Variants in CMTM4 observed in about 807,000 individuals in gnomAD.
CMTM4 encodes the protein CKLF-like MARVEL transmembrane domain-containing protein 4.
A neutral mutation model predicts 19.0 loss-of-function variants in CMTM4; 8 were observed. The ratio of observed to expected loss-of-function variants is 0.42; its 90% CI spans 0.25 to 0.76. CMTM4 has a LOEUF of 0.76. Ranked by LOEUF, CMTM4 falls within the 30% of genes least tolerant of loss-of-function variation. The pLI, the probability that CMTM4 is intolerant of heterozygous loss-of-function variation, is 0.27. For missense variants in CMTM4, 228 were observed against 290.2 expected (o/e 0.79, Z 1.56); for synonymous variants, 106 against 121.1 (o/e 0.88, Z 0.82).
intron 1 of CMTM4, among the ~76,000 whole-genome samples, chr16:66,668,828 A>G (rs1596949252): frequency 1.3e-5 from 2 of 152,306 alleles, no homozygotes; most frequent in Middle Eastern, 6.8e-3. Flanking sequence ...AGCTTTAAAA[A>G]AAAGGACTAT....
intron 1 of CMTM4, among the ~76,000 whole-genome samples, chr16:66,641,862 T>C (rs1389686365): frequency 6.6e-6 from 1 of 152,246 alleles, no homozygotes; most frequent in Non-Finnish European, 1.5e-5. Flanking sequence ...TTATATATCT[T>C]ATTTTCCAGC....
At chr16:66,604,248 C>G in the CMTM4 span, 1 of 151,472 alleles carries the variant, frequency 6.6e-6, no homozygotes, top group East Asian at 2.0e-4. Context: ...GAACAGCCAA[C>G]AAAGAGGCCC....
chr16:66,627,955 GGAT>G (rs2015776602), intron 2 of CMTM4, among the ~76,000 whole-genome samples: 1 of 152,156 alleles, frequency 6.6e-6, no homozygotes, highest in South Asian at 2.1e-4. Flanking sequence ...TAGGAGAACA[GGAT>G]GATAATAGGG....
chr16:66,648,668 A>G (rs2016252132), intron 1 of CMTM4, among the ~76,000 whole-genome samples: 1 of 151,496 alleles, frequency 6.6e-6, no homozygotes, highest in Admixed American at 6.6e-5. Flanking sequence ...CAAAAAAAAA[A>G]AGAAATAAAT....
chr16:66,613,456 C>T, downstream of CMTM4: 1 of 311,326 alleles, frequency 3.2e-6, no homozygotes. Context: ...ACCCTCAGGA[C>T]AGTGAACTTC....
chr16:66,621,533 C>T lies in CMTM4; in HGVS notation c.*525G>A, dbSNP rs1440358053. 2 of 987,542 alleles carry T rather than the reference C, an allele frequency of 2.0e-6. No homozygotes were observed. The highest frequency in any genetic ancestry group is 2.4e-6 in the Non-Finnish European group (2 of 831,004). The allele number at this position is 987,542 out of a possible 1,614,324, so 61.2% of individuals were successfully genotyped here. On this transcript the variant is annotated 3_prime_UTR_variant, in exon 4 of 4. Coordinates refer to ENST00000394106, the MANE Select transcript of CMTM4 (RefSeq NM_181521.3). ...CATCCTAACAGGACATCAGCTTTCC[C>T]CAGCCCTGTGGCCTTTGGGCTGGTG...
rs772342457 is a variant in CMTM4, at chr16:66,620,187, T to C, written c.*1871A>G. ...GTCCTTCCAAGTGGGCCCCATTTAA[T>C]GCAAGGCTGAGCCTTTGTGGCCCTA... On this transcript the variant is annotated 3_prime_UTR_variant, in exon 4 of 4. Transcript: ENST00000394106. The C allele has an allele frequency of 5.3e-5, 52 of 985,474 alleles. No homozygotes were observed. The South Asian group carries it at 7.0e-4, about 13-fold the overall frequency. The allele number at this position is 985,474 out of a possible 1,614,324, so 61.0% of individuals were successfully genotyped here.
At chr16:66,683,104 T>A (rs1392360350) in intron 1 of CMTM4, among the ~76,000 whole-genome samples, 1 of 142,942 alleles carries the variant, frequency 7.0e-6, no homozygotes, top group Non-Finnish European at 1.5e-5. Flanking sequence ...TCAAATAGAG[T>A]CTAGTTGTGT....
At chr16:66,653,796 C>T (rs1296008052) in intron 1 of CMTM4, among the ~76,000 whole-genome samples, 5 of 152,154 alleles carry the variant, frequency 3.3e-5, no homozygotes, top group East Asian at 3.9e-4. Context: ...GTGTAGTGAG[C>T]AATCTCGGCT....
At chr16:66,667,967 GTTTT>G (rs1228825396) in intron 1 of CMTM4, among the ~76,000 whole-genome samples, 7 of 149,074 alleles carry the variant, frequency 4.7e-5, no homozygotes, top group African/African-American at 1.5e-4. Flanking sequence ...ACTTTTCCCT[GTTTT>G]TTTGTTTTTT....
chr16:66,696,311 G>T lies in CMTM4; in HGVS notation c.186+29C>A. On this transcript the variant is annotated intron_variant, in intron 1 of 3. Transcript: ENST00000394106. This position sits in a 1 kb window ranked among gnomAD's most constrained non-coding sequence, Gnocchi z 4.3. ...GGAGGCGTGCGGCTAGGCCGCCCTC[G>T]GGCACCTGGGGCCCCGCCCGGCACC... 2 of 1,299,608 alleles carry T rather than the reference G, an allele frequency of 1.5e-6. No homozygotes were observed. Among genetic ancestry groups the T allele is most frequent in the South Asian group, 2.1e-5 (1 of 47,850 alleles). The allele number at this position is 1,299,608 out of a possible 1,614,324, so 80.5% of individuals were successfully genotyped here.
At chr16:66,650,142 T>TA (rs1174445497) in intron 1 of CMTM4, among the ~76,000 whole-genome samples, 1 of 152,126 alleles carries the variant, frequency 6.6e-6, no homozygotes, top group African/African-American at 2.4e-5. Flanking sequence ...CAGGTGGTCT[T>TA]AGAGGAAAAA....
At chr16:66,673,071 ATTTTTTTTTTTT>A (rs758565705) in intron 1 of CMTM4, among the ~76,000 whole-genome samples, 8 of 86,746 alleles carry the variant, frequency 9.2e-5, no homozygotes, top group Admixed American at 1.6e-4. Flanking sequence ...CACCACACCA[ATTTTTTTTTTTT>A]TTTTTTTTTT....
At chr16:66,675,457 TAA>T (rs35189676) in intron 1 of CMTM4, among the ~76,000 whole-genome samples, 24 of 115,176 alleles carry the variant, frequency 2.1e-4, no homozygotes, top group Non-Finnish European at 2.4e-4. Flanking sequence ...TATTATTCAT[TAA>T]AAAAAAAAAA....
chr16:66,636,543 G>T lies in CMTM4; in HGVS notation c.225C>A (p.Ile75=), dbSNP rs755509887. Residue 75 remains isoleucine (I), a synonymous_variant, in exon 2 of 4, where the codon ATC becomes ATA. Coordinates refer to ENST00000394106, the MANE Select transcript of CMTM4 (RefSeq NM_181521.3). ...ALIAFICIET[I]MACSPCEGLY... Reference sequence around the variant, plus strand: ...GGCCTTCACACGGGGAGCATGCCATGATGGTCTCTATGCAGATGAATGCAA... The same window carrying T: ...GGCCTTCACACGGGGAGCATGCCATTATGGTCTCTATGCAGATGAATGCAA... The T allele has an allele frequency of 4.3e-5, 69 of 1,614,098 alleles. No homozygotes were observed. The highest frequency in any genetic ancestry group is 5.3e-5 in the Non-Finnish European group (63 of 1,180,044).
At chr16:66,631,059 C>T (rs1451472429) in intron 2 of CMTM4, among the ~76,000 whole-genome samples, 3 of 151,618 alleles carry the variant, frequency 2.0e-5, no homozygotes, top group Non-Finnish European at 4.4e-5. Context: ...CCCCTCCGCC[C>T]GGCGGCCACC....
intron 1 of CMTM4, among the ~76,000 whole-genome samples, chr16:66,643,243 A>G (rs906021456): frequency 1.3e-5 from 2 of 152,194 alleles, no homozygotes; most frequent in African/African-American, 4.8e-5. Flanking sequence ...TTTGGCATTC[A>G]GCTAACTGGA....
Position 66,621,523 on chromosome 16 carries a change from T to C in CMTM4, c.*535A>G. The C allele has an allele frequency of 1.0e-6, 1 of 986,700 alleles. No individual in the cohort carries two copies. The highest frequency in any genetic ancestry group is 1.2e-6 in the Non-Finnish European group (1 of 830,508). The allele number at this position is 986,700 out of a possible 1,614,324, so 61.1% of individuals were successfully genotyped here. A position where few individuals can be genotyped will look rare whatever the true frequency, so the allele number is the denominator to read the frequency against. On this transcript the variant is annotated 3_prime_UTR_variant, in exon 4 of 4. Coordinates refer to ENST00000394106, the MANE Select transcript of CMTM4 (RefSeq NM_181521.3). ...CCCTGGGAGCCATCCTAACAGGACA[T>C]CAGCTTTCCCCAGCCCTGTGGCCTT...
chr16:66,627,806 A>G (rs2015772468), intron 2 of CMTM4, among the ~76,000 whole-genome samples: 1 of 152,190 alleles, frequency 6.6e-6, no homozygotes, highest in East Asian at 1.9e-4. Flanking sequence ...GAAGTAAGAC[A>G]CAGAGACAAA....
Sources: gnomAD v4.1 joint callset for allele counts (sites outside exome capture counted in the v4.1 genomes callset) on GRCh38, gnomAD v4.1.1 for gene constraint, Gnocchi (gnomAD v3.1) non-coding constraint, MANE v1.5 for transcripts, NCBI Gene and HGNC (gene_info 2026-07-23, HGNC 2026-07-21) for gene names.